Variants in COL17A1 observed in about 807,000 individuals in gnomAD.
COL17A1 encodes collagen alpha-1(XVII) chain.
Under a neutral mutation model 218.4 loss-of-function variants are expected in COL17A1, and 181 were observed. That is an observed-to-expected ratio of 0.83 (90% CI 0.73 to 0.94). The LOEUF (loss-of-function observed/expected upper bound fraction) is 0.94, where lower values mean the gene tolerates loss of function less well. COL17A1 is among the 40% of genes least tolerant of loss of function. The pLI is 0.00. For missense variants in COL17A1, 1,924 were observed against 1,945.9 expected, an observed-to-expected ratio of 0.99 and a Z score of 0.21; for synonymous variants, 721 against 731.0, an observed-to-expected ratio of 0.99 and a Z score of 0.22.
chr10:104,058,482 G>A (rs1019567807), intron 15 of COL17A1, among the ~76,000 whole-genome samples: 5 of 152,106 alleles, frequency 3.3e-5, no homozygotes, highest in East Asian at 1.9e-4. Flanking sequence ...TATGGGTGCC[G>A]CTTGCATTCA....
At position 104,052,177 on chromosome 10, in the gene COL17A1, G is replaced by A. The variant is rs746611120; in HGVS notation, c.1980C>T (p.Val660=). The A allele has an allele frequency of 2.0e-5, 32 of 1,613,994 alleles. No homozygotes were observed. The highest frequency in any genetic ancestry group is 2.7e-5 in the Non-Finnish European group (32 of 1,180,014). ...GEPGPHGPPG[V]PGSVGPKGSS... ...TACCTTTGGGACCCACAGAACCTGG[G>A]ACACCAGGTGGGCCATGAGGACCTG... Residue 660 remains valine, a synonymous_variant, in exon 24 of 56, where the codon GTC becomes GTT. Coordinates refer to ENST00000648076, the MANE Select transcript of COL17A1 (RefSeq NM_000494.4).
At chr10:104,063,206 G>A (rs1294884694) in intron 11 of COL17A1, among the ~76,000 whole-genome samples, 13 of 152,196 alleles carry the variant, frequency 8.5e-5, no homozygotes, top group Non-Finnish European at 1.9e-4. Context: ...ATGTAGGCTG[G>A]TAATATTTAC....
chr10:104,036,114 G>A lies in COL17A1; in HGVS notation c.3418+378C>T, dbSNP rs59847782. Among the ~76,000 whole-genome samples the A allele has an allele frequency of 7.4e-4, 19 of 25,780 alleles. 4 individuals are homozygous for A. Among genetic ancestry groups the A allele is most frequent in the Non-Finnish European group, 1.9e-3 (11 of 5,934 alleles). The allele number at this position is 25,780 out of a possible 152,430, so 16.9% of individuals were successfully genotyped here. On this transcript the variant is annotated intron_variant, in intron 48 of 55. Coordinates refer to ENST00000648076, the MANE Select transcript of COL17A1 (RefSeq NM_000494.4). The stretch of plus-strand genomic sequence containing the variant: ...AGTGTGTGTGTATGGGAGTGTGTGT[G>A]TATGGGAGTGTGTGTATATGTGTGT...
chr10:104,036,082 G>GTGTGTC (rs2086289547), intron 48 of COL17A1, among the ~76,000 whole-genome samples: 2 of 122,318 alleles, frequency 1.6e-5, no homozygotes, highest in African/African-American at 6.1e-5. Context: ...ATGGGAGTGT[G>GTGTGTC]TATGGGAGTG....
At chr10:104,039,380 C>G (rs949085215) in intron 43 of COL17A1, 65 bp downstream of exon 43, 1 of 1,529,970 alleles carries the variant, frequency 6.5e-7, no homozygotes, top group African/African-American at 1.4e-5. Context: ...TCTCTTCAGG[C>G]TCTGGGCTCT....
intron 36 of COL17A1, among the ~76,000 whole-genome samples, chr10:104,041,894 CT>C (rs34200617): frequency 0.71 from 108,701 of 152,062 alleles, 40,408 homozygotes; most frequent in East Asian, 0.84. Flanking sequence ...CAGTTTCCTC[CT>C]CTGTAAACCA....
chr10:104,035,520 A>G lies in COL17A1; in HGVS notation c.3462T>C (p.Pro1154=). 1 of 1,613,620 alleles carries G rather than the reference A, an allele frequency of 6.2e-7. No individual in the cohort carries two copies. Among genetic ancestry groups the G allele is most frequent in the Non-Finnish European group, 8.5e-7 (1 of 1,179,822 alleles). The part of the protein sequence containing the change: ...SIGLPGPPGP[P]GLPGTSYEEL... ...CCTCATAGGAGGTTCCCGGCAAGCCAGGGGGCCCCGGGGGACCAGGAAGCC... is the reference window on the plus strand; with the variant it reads ...CCTCATAGGAGGTTCCCGGCAAGCCGGGGGGCCCCGGGGGACCAGGAAGCC... The change falls in exon 49 of 56, where the codon CCT becomes CCC. Residue 1154 remains proline, a synonymous_variant. Coordinates refer to ENST00000648076, the MANE Select transcript of COL17A1 (RefSeq NM_000494.4).
At chr10:104,036,073 TG>T (rs1319404814) in intron 48 of COL17A1, among the ~76,000 whole-genome samples, 1 of 135,934 alleles carries the variant, frequency 7.4e-6, no homozygotes, top group African/African-American at 3.0e-5. Flanking sequence ...AGTATGTGTA[TG>T]GGAGTGTGTA....
chr10:104,033,453 A>C (rs1844718379), intron 52 of COL17A1, 78 bp from the exon 53 acceptor site: 4 of 1,531,680 alleles, frequency 2.6e-6, no homozygotes, highest in Non-Finnish European at 2.7e-6. Flanking sequence ...GTGCCCTCCG[A>C]GTGTCAAACT....
In COL17A1 at chr10:104,033,347, G is replaced by A. The variant is rs1305056173; in HGVS notation, c.4185C>T (p.Tyr1395=). Residue 1395 remains tyrosine (Y), a synonymous_variant, in exon 53 of 56, where the codon TAC becomes TAT. Transcript: ENST00000648076. The part of the protein sequence containing the change: ...QRQGLLQGMA[Y]TVQGPPGQPG... The stretch of plus-strand genomic sequence containing the variant: ...GCTGGCCTGGTGGGCCCTGGACAGT[G>A]TAGGCCATCCCTTGCAGTAGGCCCT... 1 of 1,610,326 alleles carries A rather than the reference G, an allele frequency of 6.2e-7. No individual in the cohort carries two copies. Among genetic ancestry groups the A allele is most frequent in the Non-Finnish European group, 8.5e-7 (1 of 1,178,432 alleles).
intron 36 of COL17A1, 75 bp downstream of exon 36, chr10:104,042,345 G>T (rs1320292696): frequency 6.8e-7 from 1 of 1,479,826 alleles, no homozygotes; most frequent in Non-Finnish European, 9.4e-7. Context: ...AGAACAGAGA[G>T]GCCCATGTCC....
chr10:104,032,430 C>CTTGT (rs1230012191), intron 55 of COL17A1, 140 bp from the exon 56 acceptor site: 2 of 833,450 alleles, frequency 2.4e-6, no homozygotes, highest in Non-Finnish European at 4.0e-6. Flanking sequence ...ATTTATTTAA[C>CTTGT]TTGTTTGCCC....
intron 48 of COL17A1, among the ~76,000 whole-genome samples, chr10:104,036,153 G>GGAGT (rs1564671464): frequency 0.016 from 11 of 692 alleles, no homozygotes; most frequent in Non-Finnish European, 0.025. Context: ...TGGGTGTATG[G>GGAGT]GAGTGTGAGT....
rs2086325990 is a variant in COL17A1 at position 104,038,531 on chromosome 10, G to A, written c.2948-3C>T. On this transcript the variant is annotated splice_polypyrimidine_tract_variant and splice_region_variant and intron_variant, in intron 44 of 55. Transcript: ENST00000648076. ...GTACATGGTACTTGATGATCCCCCT[G>A]CAGCAAAGAGAAAGCGTCCTGTGTC... is the stretch of plus-strand genomic sequence containing the variant. 6.2e-7 allele frequency: 1 copy of A among 1,611,272 alleles called. No homozygotes were observed. Among genetic ancestry groups the A allele is most frequent in the African/African-American group, 1.3e-5 (1 of 74,908 alleles).
chr10:104,036,133 T>TGGGAGTGAGTGTGAGTGGGA (rs1564671421), intron 48 of COL17A1, among the ~76,000 whole-genome samples: 6 of 118 alleles, frequency 0.051, 2 homozygotes, highest in Non-Finnish European at 0.058. Flanking sequence ...TGTGTGTATA[T>TGGGAGTGAGTGTGAGTGGGA]GTGTGTGTAT....
At chr10:104,062,226 C>T (rs1445534107) in intron 12 of COL17A1, 32 bp downstream of exon 12, 1 of 1,614,166 alleles carries the variant, frequency 6.2e-7, no homozygotes, top group East Asian at 2.2e-5. Context: ...TGTCACTTTC[C>T]AGCGCCTAAG....
chr10:104,033,150 A>G (rs1216164724), intron 53 of COL17A1, 88 bp downstream of exon 53: 11 of 1,543,862 alleles, frequency 7.1e-6, no homozygotes, highest in Non-Finnish European at 7.9e-6. Flanking sequence ...ATAACTGGAG[A>G]TTTCTCATGA....
intron 12 of COL17A1, among the ~76,000 whole-genome samples, chr10:104,062,041 GC>G (rs1346900714): frequency 6.6e-6 from 1 of 152,208 alleles, no homozygotes; most frequent in African/African-American, 2.4e-5. Context: ...TACAAGTGAT[GC>G]CTTACAAGGT....
At chr10:104,048,410 T>C (rs1450663742) in intron 29 of COL17A1, among the ~76,000 whole-genome samples, 1 of 152,248 alleles carries the variant, frequency 6.6e-6, no homozygotes, top group Non-Finnish European at 1.5e-5. Context: ...CTCCATGTTC[T>C]TGTCTCCTCT....
Sources: gnomAD v4.1 joint callset for allele counts (sites outside exome capture counted in the v4.1 genomes callset) on GRCh38, gnomAD v4.1.1 for gene constraint, MANE v1.5 for transcripts, NCBI Gene and HGNC (gene_info 2026-07-23, HGNC 2026-07-21) for gene names.